Variants in PRKX observed in about 807,000 individuals in gnomAD.
PRKX encodes protein kinase cAMP-dependent X-linked catalytic subunit.
A neutral mutation model predicts 22.0 loss-of-function variants in PRKX; 12 were observed. The ratio of observed to expected loss-of-function variants is 0.54; its 90% CI spans 0.35 to 0.88. PRKX has a LOEUF of 0.88. Among genes scored for constraint, PRKX ranks in the 40% least tolerant of loss-of-function variants. The probability of loss-of-function intolerance (pLI) is 0.01; values close to 1 mark genes in which losing one functional copy is unlikely to be tolerated. For synonymous variants in PRKX, 134 were observed against 137.7 expected, an observed-to-expected ratio of 0.97 and a Z score of 0.19; for missense variants, 217 against 308.0, an observed-to-expected ratio of 0.70 and a Z score of 2.21.
intron 4 of PRKX, among the ~76,000 whole-genome samples, chrX:3,630,497 T>C (rs897324167): frequency 1.4e-4 from 16 of 111,339 alleles, no homozygotes; most frequent in South Asian, 3.8e-4. Context: ...GAGGCGGAGC[T>C]TGCAGTGAGC....
At position 3,655,218 on chromosome X, in the gene PRKX, T is replaced by G; in HGVS notation, c.530A>C (p.Asn177Thr). The G allele has an allele frequency of 8.2e-7, 1 of 1,212,130 alleles. No individual in the cohort carries two copies. The highest frequency in any genetic ancestry group is 1.1e-6 in the Non-Finnish European group (1 of 895,557). Residue 177 changes from asparagine to threonine, a missense_variant, in exon 3 of 9, where the codon AAC becomes ACC. Transcript: ENST00000262848. ...EIVYRDLKPE[N>T]ILLDRDGHIK... Reference sequence around the variant, plus strand: ...GTGGCCATCCCTATCCAGCAGGATGTTCTCTGGCTTCAAGTCCCTGTAGAC... The same window carrying G: ...GTGGCCATCCCTATCCAGCAGGATGGTCTCTGGCTTCAAGTCCCTGTAGAC...
In PRKX at chrX:3,607,319, C is replaced by G. The variant is rs1272178061; in HGVS notation, c.*1650G>C. 2.7e-5 allele frequency: 3 copies of G among 111,684 alleles called. No individual in the cohort carries two copies. The highest frequency in any genetic ancestry group is 5.6e-5 in the Non-Finnish European group (3 of 53,219). The allele number at this position is 111,684 out of a possible 1,213,427, so 9.2% of individuals were successfully genotyped here. ...CTCGCGCAGGGGGCCATGCTAATCT[C>G]CTCTGTGTCATTCCAATTTTAGTAT... On this transcript the variant is annotated 3_prime_UTR_variant, in exon 9 of 9. Transcript: ENST00000262848.
chrX:3,705,532 C>CATCG lies in PRKX; in HGVS notation c.166+7552_166+7555dup, dbSNP rs1271716623. On this transcript the variant is annotated intron_variant, in intron 1 of 8. Transcript: ENST00000262848. ...GCAGAGGGAACCCGTCACACAGAAACATCGGTTCCACCTTCTCACACTGGG... is the reference window on the plus strand; with the variant it reads ...GCAGAGGGAACCCGTCACACAGAAACATCGATCGGTTCCACCTTCTCACACTGGG... Among the ~76,000 whole-genome samples, 4 of 111,467 alleles carry CATCG rather than the reference C, an allele frequency of 3.6e-5. No individual in the cohort carries two copies. The East Asian group carries it at 1.1e-3, about 32-fold the overall frequency.
At chrX:3,638,325 C>T (rs57934603) in intron 4 of PRKX, among the ~76,000 whole-genome samples, 2 of 111,159 alleles carry the variant, frequency 1.8e-5, no homozygotes, top group African/African-American at 6.5e-5. Flanking sequence ...TGTATTCTAA[C>T]AATATTATGT....
chrX:3,659,290 T>C (rs181276881), intron 2 of PRKX, among the ~76,000 whole-genome samples: 78 of 111,179 alleles, frequency 7.0e-4, no homozygotes, highest in African/African-American at 2.3e-3. Flanking sequence ...CACATGCTAC[T>C]GTGAATTTTA....
At chrX:3,689,303 C>T (rs996109894) in intron 1 of PRKX, among the ~76,000 whole-genome samples, 2 of 112,339 alleles carry the variant, frequency 1.8e-5, no homozygotes, top group African/African-American at 6.5e-5. Flanking sequence ...TTTACGAAGT[C>T]GATTTTTGGA....
At chrX:3,694,150 G>A (rs1376405479) in intron 1 of PRKX, among the ~76,000 whole-genome samples, 1 of 108,854 alleles carries the variant, frequency 9.2e-6, no homozygotes, top group African/African-American at 3.3e-5. Flanking sequence ...ACTTTGGGAG[G>A]CCAAGGCGGG....
chrX:3,650,056 G>A, intron 3 of PRKX, among the ~76,000 whole-genome samples: 1 of 110,495 alleles, frequency 9.1e-6, no homozygotes, highest in Non-Finnish European at 1.9e-5. Flanking sequence ...CAGGAGGATT[G>A]CTTGAGCCTG....
At chrX:3,662,089 G>A (rs1281739983) in intron 2 of PRKX, among the ~76,000 whole-genome samples, 2 of 111,569 alleles carry the variant, frequency 1.8e-5, no homozygotes, top group Non-Finnish European at 3.8e-5. Context: ...TATCAGGAAC[G>A]GCAGATCTTG....
intron 2 of PRKX, among the ~76,000 whole-genome samples, chrX:3,669,261 A>G (rs983425368): frequency 1.8e-5 from 2 of 112,272 alleles, no homozygotes; most frequent in Non-Finnish European, 3.8e-5. Context: ...TATCATCTAT[A>G]GCTATCATCT....
Position 3,640,115 on chromosome X carries a change from C to T in PRKX, c.719+1737G>A, listed in dbSNP as rs149945138. ...GATGTGAGGGAGGATCTGGCTTTTGCGACAATGGAGGCCACTCAGAGGATA... is the reference window on the plus strand; with the variant it reads ...GATGTGAGGGAGGATCTGGCTTTTGTGACAATGGAGGCCACTCAGAGGATA... On this transcript the variant is annotated intron_variant, in intron 4 of 8. Transcript: ENST00000262848. Among the ~76,000 whole-genome samples, 1,061 of 109,614 alleles carry T rather than the reference C, an allele frequency of 9.7e-3. 22 individuals carry two copies. The highest frequency in any genetic ancestry group is 0.033 in the African/African-American group (996 of 30,077).
chrX:3,646,564 G>C (rs1927192002), intron 3 of PRKX, among the ~76,000 whole-genome samples: 2 of 111,652 alleles, frequency 1.8e-5, no homozygotes, highest in South Asian at 7.5e-4. Context: ...TTTTGTCTGG[G>C]TTTGGTAATG....
chrX:3,701,408 C>CT (rs1928569966), intron 1 of PRKX, among the ~76,000 whole-genome samples: 1 of 112,689 alleles, frequency 8.9e-6, no homozygotes, highest in Non-Finnish European at 1.9e-5. Context: ...GTGTCGCCTA[C>CT]TTTTTCTGAA....
chrX:3,709,002 G>A (rs1241061804), intron 1 of PRKX, among the ~76,000 whole-genome samples: 2 of 109,336 alleles, frequency 1.8e-5, no homozygotes, highest in Non-Finnish European at 3.8e-5. Flanking sequence ...ACACAAATGA[G>A]CACCTTTTGA....
Position 3,706,210 on chromosome X carries a change from G to A in PRKX, c.166+6878C>T, listed in dbSNP as rs764841205. Among the ~76,000 whole-genome samples, 4 of 108,345 alleles carry A rather than the reference G, an allele frequency of 3.7e-5. No homozygotes were observed. In the East Asian group the frequency reaches 1.2e-3, roughly 32 times the overall value. The allele number at this position is 108,345 out of a possible 115,157, so 94.1% of individuals were successfully genotyped here. On this transcript the variant is annotated intron_variant, in intron 1 of 8. Coordinates refer to ENST00000262848, the MANE Select transcript of PRKX (RefSeq NM_005044.5). ...GATACTTTCTTTATTTTTGACATAG[G>A]GTCTTGCTCTGTTGCCCAGGCTGGA...
intron 4 of PRKX, among the ~76,000 whole-genome samples, chrX:3,630,074 C>T (rs1265854088): frequency 1.8e-5 from 2 of 112,336 alleles, no homozygotes; most frequent in African/African-American, 3.2e-5. Flanking sequence ...AAAAAGATTA[C>T]AGTCCTGCTG....
intron 6 of PRKX, among the ~76,000 whole-genome samples, chrX:3,620,353 C>T (rs1479920272): frequency 1.8e-5 from 2 of 112,482 alleles, no homozygotes; most frequent in Admixed American, 9.5e-5. Context: ...ACATTTTGTA[C>T]AATTCCATTT....
At chrX:3,629,745 C>G (rs190729098) in intron 4 of PRKX, among the ~76,000 whole-genome samples, 2 of 111,794 alleles carry the variant, frequency 1.8e-5, no homozygotes, top group East Asian at 5.7e-4. Flanking sequence ...GCCTTGACCT[C>G]CCCCAGGAGG....
intron 3 of PRKX, among the ~76,000 whole-genome samples, chrX:3,644,455 G>C (rs1219423076): frequency 2.9e-5 from 3 of 104,909 alleles, no homozygotes; most frequent in Non-Finnish European, 5.9e-5. Context: ...TATAAATCAG[G>C]AAACCAGGAA....
Sources: allele counts gnomAD v4.1 joint callset (sites outside exome capture counted in the v4.1 genomes callset), GRCh38; gene constraint gnomAD v4.1.1; transcripts MANE v1.5; gene names NCBI Gene and HGNC (gene_info 2026-07-23, HGNC 2026-07-21).